The following TCF7L1 variants were observed in gnomAD, a reference collection of about 807,000 sequenced individuals.
The protein encoded by TCF7L1 is transcription factor 7 like 1, also known as transcription factor 7-like 1.
In TCF7L1, 18 loss-of-function variants were observed where a neutral mutation model predicts 63.7. The ratio of observed to expected loss-of-function variants is 0.28; its 90% CI spans 0.20 to 0.42. The LOEUF (loss-of-function observed/expected upper bound fraction) is 0.42. Ranked by LOEUF, TCF7L1 falls within the 10% of genes least tolerant of loss-of-function variation. TCF7L1 has a pLI of 1.00. For missense variants in TCF7L1, 654 were observed against 779.3 expected, an observed-to-expected ratio of 0.84 and a Z score of 1.91; for synonymous variants, 355 against 340.9, an observed-to-expected ratio of 1.04 and a Z score of -0.46.
chr2:85,194,204 A>T (rs1450393930), intron 3 of TCF7L1, among the ~76,000 whole-genome samples: 2 of 152,082 alleles, frequency 1.3e-5, no homozygotes, highest in Non-Finnish European at 2.9e-5. Context: ...TCGGGAAATG[A>T]TGTGGGCAGA....
At chr2:85,271,490 T>G (rs889811050) in intron 3 of TCF7L1, among the ~76,000 whole-genome samples, 1 of 152,220 alleles carries the variant, frequency 6.6e-6, no homozygotes, top group African/African-American at 2.4e-5. Context: ...ATCAGATAAT[T>G]CATATGGAAT....
chr2:85,236,759 A>G (rs1680202040), intron 3 of TCF7L1, among the ~76,000 whole-genome samples: 1 of 152,182 alleles, frequency 6.6e-6, no homozygotes, highest in African/African-American at 2.4e-5. Flanking sequence ...TCAGAATGCA[A>G]AGTAACAATT....
intron 3 of TCF7L1, among the ~76,000 whole-genome samples, chr2:85,180,331 C>T (rs761184441): frequency 6.6e-6 from 1 of 151,662 alleles, no homozygotes; most frequent in Non-Finnish European, 1.5e-5. Flanking sequence ...CCTTGGCCTC[C>T]CATAATGTTG....
At chr2:85,218,421 A>C (rs1172092808) in intron 3 of TCF7L1, among the ~76,000 whole-genome samples, 1 of 151,846 alleles carries the variant, frequency 6.6e-6, no homozygotes, top group Admixed American at 6.6e-5. Flanking sequence ...ATGCCTGGCT[A>C]ATTTTTGTAT....
At chr2:85,188,043 A>G (rs1184895225) in intron 3 of TCF7L1, among the ~76,000 whole-genome samples, 1 of 152,220 alleles carries the variant, frequency 6.6e-6, no homozygotes, top group African/African-American at 2.4e-5. Context: ...AAGGTTATAT[A>G]CTGCATTTGC....
chr2:85,305,868 T>C (rs1477780103), intron 8 of TCF7L1, among the ~76,000 whole-genome samples: 1 of 152,062 alleles, frequency 6.6e-6, no homozygotes, highest in African/African-American at 2.4e-5. Flanking sequence ...CCTCCCAACT[T>C]GGTTCTGCCC....
chr2:85,261,123 GGTGTGTGTGTGTGTGT>G (rs3223762), intron 3 of TCF7L1, among the ~76,000 whole-genome samples: 45 of 106,774 alleles, frequency 4.2e-4, no homozygotes, highest in African/African-American at 1.2e-3. Flanking sequence ...AATTATTGCT[GGTGTGTGTGTGTGTGT>G]GTGTGTGTGT....
At chr2:85,156,113 A>G (rs188079111) in intron 3 of TCF7L1, among the ~76,000 whole-genome samples, 54 of 152,300 alleles carry the variant, frequency 3.5e-4, no homozygotes, top group African/African-American at 1.2e-3. Context: ...CCCCTCCTCC[A>G]CTTTACCAGT....
chr2:85,236,222 T>C (rs1680189549), intron 3 of TCF7L1, among the ~76,000 whole-genome samples: 1 of 151,954 alleles, frequency 6.6e-6, no homozygotes, highest in East Asian at 1.9e-4. Context: ...TTAACAACCC[T>C]GAAGTGAGTT....
chr2:85,141,503 A>G (rs1185400225), intron 3 of TCF7L1, among the ~76,000 whole-genome samples: 1 of 152,116 alleles, frequency 6.6e-6, no homozygotes, highest in African/African-American at 2.4e-5. Context: ...ATCCCGGTGT[A>G]CCTTCCATAT....
At chr2:85,256,224 A>T (rs1481877191) in intron 3 of TCF7L1, among the ~76,000 whole-genome samples, 1 of 141,970 alleles carries the variant, frequency 7.0e-6, no homozygotes, top group Non-Finnish European at 1.6e-5. Flanking sequence ...GCCCCAACCC[A>T]GTACATCGAT....
intron 3 of TCF7L1, among the ~76,000 whole-genome samples, chr2:85,142,479 A>AT (rs1450381974): frequency 2.0e-4 from 29 of 146,092 alleles, no homozygotes; most frequent in African/African-American, 6.8e-4. Flanking sequence ...GTGTATATAT[A>AT]TAATATATAT....
intron 3 of TCF7L1, among the ~76,000 whole-genome samples, chr2:85,251,333 A>G (rs192804856): frequency 4.6e-5 from 7 of 152,352 alleles, no homozygotes; most frequent in African/African-American, 1.7e-4. Context: ...CTAAATGATA[A>G]TCAGCACTCA....
chr2:85,196,755 CCT>C (rs1469114786), intron 3 of TCF7L1, among the ~76,000 whole-genome samples: 3 of 152,276 alleles, frequency 2.0e-5, no homozygotes, highest in African/African-American at 7.2e-5. Flanking sequence ...TTAATAATCA[CCT>C]CTATATTGGG....
In TCF7L1 at chr2:85,307,637, T is replaced by A; in HGVS notation, c.1258-5T>A. Reference sequence around the variant, plus strand: ...CTTACCTCTTCCTTTGGCTGTATTTTCCAGGGTAAGAAAAAGAAGAGGAAG... The same window carrying A: ...CTTACCTCTTCCTTTGGCTGTATTTACCAGGGTAAGAAAAAGAAGAGGAAG... On this transcript the variant is annotated splice_polypyrimidine_tract_variant and splice_region_variant and intron_variant, in intron 10 of 11. Coordinates refer to ENST00000282111, the MANE Select transcript of TCF7L1 (RefSeq NM_031283.3). 1 of 1,613,484 alleles carries A rather than the reference T, an allele frequency of 6.2e-7. No individual in the cohort carries two copies. The highest frequency in any genetic ancestry group is 1.1e-5 in the South Asian group (1 of 91,046).
chr2:85,263,948 T>C (rs562861951), intron 3 of TCF7L1, among the ~76,000 whole-genome samples: 1 of 152,104 alleles, frequency 6.6e-6, no homozygotes, highest in East Asian at 1.9e-4. Flanking sequence ...TTGGGTTTGG[T>C]AGTTAGGAGG....
intron 4 of TCF7L1, among the ~76,000 whole-genome samples, chr2:85,297,479 G>A (rs1300314776): frequency 6.6e-6 from 1 of 152,134 alleles, no homozygotes; most frequent in East Asian, 1.9e-4. Flanking sequence ...TGGCCAAAAT[G>A]TCCTTCCCCA....
intron 3 of TCF7L1, among the ~76,000 whole-genome samples, chr2:85,169,116 A>G (rs78003764): frequency 0.01 from 1,532 of 152,130 alleles, 14 homozygotes; most frequent in Non-Finnish European, 0.013. Flanking sequence ...GCTCCTTTTC[A>G]CTTCACACAC....
intron 3 of TCF7L1, among the ~76,000 whole-genome samples, chr2:85,208,852 T>C (rs1335036036): frequency 6.6e-6 from 1 of 152,236 alleles, no homozygotes; most frequent in African/African-American, 2.4e-5. Context: ...ACTTCTCCTG[T>C]TGAGAGACAA....
Sources: allele counts gnomAD v4.1 joint callset (sites outside exome capture counted in the v4.1 genomes callset), GRCh38; gene constraint gnomAD v4.1.1; transcripts MANE v1.5; gene names NCBI Gene and HGNC (gene_info 2026-07-23, HGNC 2026-07-21).